Variants in TMF1 observed in about 807,000 individuals in gnomAD.
TMF1 encodes TATA element modulatory factor.
Under a neutral mutation model 126.5 loss-of-function variants are expected in TMF1, and 71 were observed. The observed-to-expected ratio is 0.56, with a 90% CI of 0.46 to 0.68. The LOEUF (loss-of-function observed/expected upper bound fraction) is 0.68, where lower values mean the gene tolerates loss of function less well. Ranked by LOEUF, TMF1 falls within the 30% of genes least tolerant of loss-of-function variation. The pLI is 0.00. For synonymous variants in TMF1, 461 were observed against 430.5 expected (o/e 1.07, Z -0.88); for missense variants, 1,259 against 1,253.2 (o/e 1.00, Z -0.07).
intron 8 of TMF1, chr3:69,035,597 T>C (rs112674466): frequency 0.012 from 1,913 of 153,794 alleles, 27 homozygotes; most frequent in Non-Finnish European, 0.015. Context: ...GAATTCACTC[T>C]AAGAAAGCAG....
At chr3:69,039,901 G>A (rs1383385836) in intron 5 of TMF1, among the ~76,000 whole-genome samples, 4 of 152,066 alleles carry the variant, frequency 2.6e-5, no homozygotes, top group South Asian at 2.1e-4. Flanking sequence ...ATATTGACAC[G>A]GTCTTAAAGA....
intron 10 of TMF1, among the ~76,000 whole-genome samples, chr3:69,032,863 G>C (rs2091810661): frequency 6.6e-6 from 1 of 152,014 alleles, no homozygotes; most frequent in Non-Finnish European, 1.5e-5. Flanking sequence ...CACCCGCCTA[G>C]GCCTCCCAAA....
rs765274562 is a variant in TMF1, at chr3:69,035,059, C to T, written c.2208G>A (p.Glu736=). Residue 736 remains glutamate (E), a synonymous_variant, in exon 9 of 17, where the codon GAG becomes GAA. Transcript: ENST00000398559. ...QRTEQAAARK[E]DYLRHEIGEL... ...CACCGATCTCATGGCGTAAATAATC[C>T]TCCTTTCTGGCAGCCGCTTGTTCTG... The T allele has an allele frequency of 9.3e-6, 15 of 1,614,146 alleles. 1 individual carries two copies. In the South Asian group the frequency reaches 1.5e-4, roughly 17 times the overall value.
intron 9 of TMF1, among the ~76,000 whole-genome samples, chr3:69,034,225 C>A (rs913634440): frequency 1.3e-5 from 2 of 152,126 alleles, no homozygotes; most frequent in African/African-American, 4.8e-5. Context: ...GTAATCCCAG[C>A]ACTTTGGGAG....
rs1464034239 is a variant in TMF1 at position 69,039,682 on chromosome 3, A to C, written c.1696T>G (p.Ser566Ala). 4 of 1,610,302 alleles carry C rather than the reference A, an allele frequency of 2.5e-6. No homozygotes were observed. Among genetic ancestry groups the C allele is most frequent in the East Asian group, 2.2e-5 (1 of 44,740 alleles). ...RGLMEEGEKL[S>A]KQQLHNSNII... ...TTAGAATTGTGCAGCTGCTGTTTTG[A>C]AAGTTTTTCTCCTGGTGATGGTAAA... Residue 566 changes from serine to alanine, a missense_variant, in exon 6 of 17, where the codon TCA becomes GCA. By Grantham distance (99) the Ser-to-Ala change is moderately conservative. Transcript: ENST00000398559.
chr3:69,041,764 A>G (rs1406438997), intron 5 of TMF1, among the ~76,000 whole-genome samples: 1 of 152,156 alleles, frequency 6.6e-6, no homozygotes, highest in African/African-American at 2.4e-5. Context: ...GAAAAAATTA[A>G]TAGTTCCTTA....
Position 69,028,213 on chromosome 3 carries a change from C to A in TMF1, c.2664+13G>T, listed in dbSNP as rs571090110. The A allele has an allele frequency of 2.9e-5, 47 of 1,607,768 alleles. No individual in the cohort carries two copies. The highest frequency in any genetic ancestry group is 3.9e-5 in the Non-Finnish European group (46 of 1,175,146). On this transcript the variant is annotated intron_variant, in intron 12 of 16. Transcript: ENST00000398559. The stretch of plus-strand genomic sequence containing the variant: ...GTATGCCCTAAGAGCTGAGTGGTCA[C>A]GAAGAGAAATACCTTTTCTTTCCTC...
Position 69,035,113 on chromosome 3 carries a change from C to A in TMF1, c.2154G>T (p.Val718=). The part of the protein sequence containing the change: ...RQQQETLAIQ[V]GDLRLALQRT... ...GCTGCAATGCAAGCCTAAGGTCCCC[C>A]ACCTGTAGGAGGAGAAACAATACAT... The change falls in exon 9 of 17, where the codon GTG becomes GTT. Residue 718 remains valine (V), a splice_region_variant and synonymous_variant. Transcript: ENST00000398559. The A allele has an allele frequency of 1.2e-6, 2 of 1,613,628 alleles. No homozygotes were observed. The highest frequency in any genetic ancestry group is 1.1e-5 in the South Asian group (1 of 91,018).
Position 69,035,023 on chromosome 3 carries a change from C to A in TMF1, c.2244G>T (p.Gln748His), listed in dbSNP as rs1209652510. The change falls in exon 9 of 17, where the codon CAG (glutamine) becomes CAT (histidine). Residue 748 changes from glutamine to histidine, a missense_variant and splice_region_variant. Gln to His is a conservative substitution (Grantham distance 24). Coordinates refer to ENST00000398559, the MANE Select transcript of TMF1 (RefSeq NM_007114.3). ...YLRHEIGELQ[Q>H]RLQEAENRNQ... Reference sequence around the variant, plus strand: ...GTGTTTTGGAAACCTGTGACAGTACCTGCTGAAGTTCACCGATCTCATGGC... The same window carrying A: ...GTGTTTTGGAAACCTGTGACAGTACATGCTGAAGTTCACCGATCTCATGGC... 2 of 1,613,556 alleles carry A rather than the reference C, an allele frequency of 1.2e-6. No homozygotes were observed. The highest frequency in any genetic ancestry group is 1.7e-6 in the Non-Finnish European group (2 of 1,179,502).
intron 1 of TMF1, among the ~76,000 whole-genome samples, chr3:69,050,597 A>G (rs2091921927): frequency 6.6e-6 from 1 of 152,208 alleles, no homozygotes; most frequent in Admixed American, 6.5e-5. Flanking sequence ...CCTTATATGT[A>G]AAACCTATAT....
At chr3:69,026,119 T>G (rs746638304) in intron 13 of TMF1, 22 bp from the exon 14 acceptor site, 3 of 1,534,432 alleles carry the variant, frequency 2.0e-6, no homozygotes, top group South Asian at 1.1e-5. Context: ...AAAAAAATTC[T>G]GTTCATATTA....
intron 14 of TMF1, 53 bp downstream of exon 14, chr3:69,025,943 T>C: frequency 6.9e-7 from 1 of 1,444,940 alleles, no homozygotes; most frequent in Non-Finnish European, 9.6e-7. Context: ...CATTTGCATA[T>C]TTCCTTTATT....
rs2091722240 is a variant in TMF1 at position 69,020,261 on chromosome 3, A to T, written c.*2916T>A. 6.6e-6 allele frequency: 1 copy of T among 152,146 alleles called. No homozygotes were observed. Among genetic ancestry groups the T allele is most frequent in the Admixed American group, 6.5e-5 (1 of 15,290 alleles). The allele number at this position is 152,146 out of a possible 1,614,324, so 9.4% of individuals were successfully genotyped here. Reference sequence around the variant, plus strand: ...GTTTCCTAGGTCAGAAGTTATCCACATTTAGAATATCTTAAGTCACAACAT... The same window carrying T: ...GTTTCCTAGGTCAGAAGTTATCCACTTTTAGAATATCTTAAGTCACAACAT... On this transcript the variant is annotated 3_prime_UTR_variant, in exon 17 of 17. Coordinates refer to ENST00000398559, the MANE Select transcript of TMF1 (RefSeq NM_007114.3).
chr3:69,041,689 G>C (rs576951422), intron 5 of TMF1, among the ~76,000 whole-genome samples: 291 of 152,214 alleles, frequency 1.9e-3, no homozygotes, highest in Middle Eastern at 3.4e-3. Context: ...AGAGAAGGAA[G>C]ATTGGAAATT....
intron 13 of TMF1, 44 bp from the exon 14 acceptor site, chr3:69,026,141 G>C (rs1266864494): frequency 7.7e-7 from 1 of 1,297,448 alleles, no homozygotes; most frequent in South Asian, 1.2e-5. Context: ...AGAGCAAAGA[G>C]ATAAGCAGAG....
At chr3:69,026,183 A>G in intron 13 of TMF1, 86 bp from the exon 14 acceptor site, 1 of 830,868 alleles carries the variant, frequency 1.2e-6, no homozygotes. Flanking sequence ...GTTAATGAGA[A>G]CAAAGATTCA....
At chr3:69,043,684 G>A in intron 4 of TMF1, 66 bp downstream of exon 4, 1 of 1,333,452 alleles carries the variant, frequency 7.5e-7, no homozygotes, top group Non-Finnish European at 1.0e-6. Context: ...AAAATACGAT[G>A]AATGCACTCC....
chr3:69,030,777 G>A (rs2091796662), intron 10 of TMF1: 1 of 152,096 alleles, frequency 6.6e-6, no homozygotes, highest in Admixed American at 6.6e-5. Context: ...AAAAAACAGG[G>A]ACGACATAAA....
intron 1 of TMF1, among the ~76,000 whole-genome samples, chr3:69,051,460 G>A (rs1338905508): frequency 1.3e-5 from 2 of 152,192 alleles, no homozygotes; most frequent in African/African-American, 4.8e-5. Flanking sequence ...GGGCGACGGA[G>A]TGAGACTCCG....
Sources: allele counts gnomAD v4.1 joint callset (sites outside exome capture counted in the v4.1 genomes callset), GRCh38; gene constraint gnomAD v4.1.1; transcripts MANE v1.5; gene names NCBI Gene and HGNC (gene_info 2026-07-23, HGNC 2026-07-21).